The following GAPDHS variants were observed in gnomAD, a reference collection of about 807,000 sequenced individuals.
GAPDHS encodes glyceraldehyde-3-phosphate dehydrogenase, spermatogenic.
In GAPDHS, 42 loss-of-function variants were observed where a neutral mutation model predicts 48.7. The observed-to-expected ratio is 0.86, with a 90% CI of 0.67 to 1.12. The LOEUF is 1.12. GAPDHS is among the 50% of genes most tolerant of loss of function. The probability of loss-of-function intolerance (pLI) is 0.00; values close to 1 mark genes in which losing one functional copy is unlikely to be tolerated. For missense variants in GAPDHS, 512 were observed against 557.7 expected (o/e 0.92, Z 0.82); for synonymous variants, 166 against 219.1 (o/e 0.76, Z 2.14).
chr19:35,535,268 A>C (rs892645933), intron 1 of GAPDHS, among the ~76,000 whole-genome samples: 2 of 152,216 alleles, frequency 1.3e-5, no homozygotes, highest in South Asian at 4.1e-4. Flanking sequence ...GTCTGGGAGC[A>C]GGAGTGTGTG....
intron 1 of GAPDHS, among the ~76,000 whole-genome samples, chr19:35,535,037 G>A (rs560509872): frequency 5.3e-4 from 81 of 152,214 alleles, no homozygotes; most frequent in Middle Eastern, 3.4e-3. Context: ...ATCTCACTGC[G>A]CCCTCACAGC....
chr19:35,543,419 C>G lies in GAPDHS; in HGVS notation c.821C>G (p.Ala274Gly), dbSNP rs1376737847. The G allele has an allele frequency of 6.2e-7, 1 of 1,610,352 alleles. No individual in the cohort carries two copies. Among genetic ancestry groups the G allele is most frequent in the African/African-American group, 1.3e-5 (1 of 74,580 alleles). Residue 274 changes from alanine to glycine, a missense_variant, in exon 8 of 11, where the codon GCC (alanine) becomes GGC (glycine). Ala to Gly is a moderately conservative substitution (Grantham distance 60). Coordinates refer to ENST00000222286, the MANE Select transcript of GAPDHS (RefSeq NM_014364.5). ...SRKAWRDGRG[A>G]HQNIIPASTG... ...AAGGCCTGGCGAGATGGGCGGGGTGCCCACCAGAACATCATCCCAGCCTCC... is the reference window on the plus strand; with the variant it reads ...AAGGCCTGGCGAGATGGGCGGGGTGGCCACCAGAACATCATCCCAGCCTCC...
chr19:35,539,865 C>T (rs1184070667), intron 4 of GAPDHS, among the ~76,000 whole-genome samples: 5 of 152,200 alleles, frequency 3.3e-5, no homozygotes, highest in Admixed American at 1.3e-4. Flanking sequence ...CCACCATTAC[C>T]GCCACTTGGA....
At chr19:35,533,643 G>A (rs1280127878) in intron 1 of GAPDHS, 49 bp downstream of exon 1, 45 of 1,426,278 alleles carry the variant, frequency 3.2e-5, no homozygotes, top group Non-Finnish European at 4.3e-5. Context: ...AGGGTAGTGG[G>A]GAGCGTCTGC....
At chr19:35,542,157 C>A (rs906115371) in intron 4 of GAPDHS, 162 bp from the exon 5 acceptor site, 4 of 615,072 alleles carry the variant, frequency 6.5e-6, no homozygotes, top group Non-Finnish European at 8.8e-6. Context: ...GCTAGGCCAG[C>A]GGGGTGGAGC....
At chr19:35,544,124 T>G in intron 9 of GAPDHS, 6 of 321,782 alleles carry the variant, frequency 1.9e-5, no homozygotes, top group Admixed American at 4.6e-5. Flanking sequence ...GAAATTTCAT[T>G]TCATAGTCAC....
Position 35,533,541 on chromosome 19 carries a change from A to T in GAPDHS, c.14A>T (p.Asp5Val). The change falls in exon 1 of 11, where the codon GAC (aspartate) becomes GTC (valine). Residue 5 changes from aspartate (D) to valine (V), a missense_variant. Coordinates refer to ENST00000222286, the MANE Select transcript of GAPDHS (RefSeq NM_014364.5). MSKRDIVLTNVTVVQ... is the reference protein window; with the variant it reads MSKRVIVLTNVTVVQ... ...TTATAAGAGGCCATGTCGAAGCGCGACATCGTCCTCACCAATGTCACCGTT... is the reference window on the plus strand; with the variant it reads ...TTATAAGAGGCCATGTCGAAGCGCGTCATCGTCCTCACCAATGTCACCGTT... 6.2e-7 allele frequency: 1 copy of T among 1,613,768 alleles called. No individual in the cohort carries two copies. The highest frequency in any genetic ancestry group is 8.5e-7 in the Non-Finnish European group (1 of 1,179,924).
chr19:35,535,726 C>A (rs1362795541), intron 1 of GAPDHS, among the ~76,000 whole-genome samples: 1 of 150,944 alleles, frequency 6.6e-6, no homozygotes, highest in Non-Finnish European at 1.5e-5. Flanking sequence ...GGCCTCCATA[C>A]AGACCCACTG....
intron 6 of GAPDHS, 113 bp from the exon 7 acceptor site, chr19:35,542,832 C>A: frequency 1.2e-6 from 1 of 836,882 alleles, no homozygotes; most frequent in South Asian, 1.5e-5. Context: ...CTCTCACCCT[C>A]ATCCTGACGT....
intron 2 of GAPDHS, among the ~76,000 whole-genome samples, chr19:35,538,093 A>G (rs1181877235): frequency 6.6e-6 from 1 of 151,970 alleles, no homozygotes; most frequent in African/African-American, 2.4e-5. Flanking sequence ...ATATATATAT[A>G]TATGTATATA....
intron 4 of GAPDHS, 26 bp from the exon 5 acceptor site, chr19:35,542,293 G>C: frequency 6.7e-7 from 1 of 1,502,306 alleles, no homozygotes; most frequent in Non-Finnish European, 9.3e-7. Flanking sequence ...AGGGGAGACT[G>C]ACTCAGCCCT....
intron 1 of GAPDHS, among the ~76,000 whole-genome samples, chr19:35,536,165 C>T (rs1359603065): frequency 6.6e-6 from 1 of 152,180 alleles, no homozygotes; most frequent in African/African-American, 2.4e-5. Context: ...TGGTCATAAG[C>T]AATCCATGTA....
At chr19:35,534,696 A>G (rs2071453923) in intron 1 of GAPDHS, among the ~76,000 whole-genome samples, 1 of 152,086 alleles carries the variant, frequency 6.6e-6, no homozygotes. Flanking sequence ...CATAGCAGAA[A>G]CAACCCCCAA....
rs1281010450 is a variant in GAPDHS, at chr19:35,542,739, A to G, written c.659+131A>G. ...TCCCGAAACTATCTGCTAAAAACGC[A>G]TGACTTCCAGAGGACAAGCTTGGGG... On this transcript the variant is annotated intron_variant, in intron 6 of 10. Transcript: ENST00000222286. 5.2e-6 allele frequency: 4 copies of G among 772,952 alleles called. No individual in the cohort carries two copies. In the Admixed American group the frequency reaches 6.2e-5, roughly 12 times the overall value. The allele number at this position is 772,952 out of a possible 1,614,324, so 47.9% of individuals were successfully genotyped here. A position where few individuals can be genotyped will look rare whatever the true frequency, so the allele number is the denominator to read the frequency against.
In GAPDHS at chr19:35,538,684, G is replaced by T; in HGVS notation, c.449+1G>T. ...ACCATGAGATCTCTGTCTACCAGTG[G>T]TAAGGAAAGCATCTGTCTGATGCAC... On this transcript the variant is annotated splice_donor_variant, in intron 4 of 10. Coordinates refer to ENST00000222286, the MANE Select transcript of GAPDHS (RefSeq NM_014364.5). LOFTEE classifies it high-confidence loss of function. The T allele has an allele frequency of 6.5e-7, 1 of 1,536,236 alleles. No individual in the cohort carries two copies. Among genetic ancestry groups the T allele is most frequent in the Non-Finnish European group, 9.0e-7 (1 of 1,108,890 alleles).
chr19:35,538,035 C>T (rs2071476878), intron 2 of GAPDHS, among the ~76,000 whole-genome samples: 1 of 152,080 alleles, frequency 6.6e-6, no homozygotes, highest in African/African-American at 2.4e-5. Context: ...CAGATAGCGC[C>T]ACTGCACTCC....
intron 2 of GAPDHS, among the ~76,000 whole-genome samples, chr19:35,538,052 G>A (rs1054680193): frequency 6.6e-6 from 1 of 151,192 alleles, no homozygotes; most frequent in Non-Finnish European, 1.5e-5. Context: ...CTCCAGCCTG[G>A]GCGAAAGAGC....
intron 1 of GAPDHS, among the ~76,000 whole-genome samples, chr19:35,535,681 C>A (rs1266903335): frequency 2.6e-5 from 4 of 151,908 alleles, no homozygotes; most frequent in Non-Finnish European, 4.4e-5. Flanking sequence ...GCCACCGCTC[C>A]CGGCCTGGAG....
chr19:35,538,734 A>G, intron 4 of GAPDHS, 51 bp downstream of exon 4: 1 of 1,186,134 alleles, frequency 8.4e-7, no homozygotes, highest in Non-Finnish European at 1.3e-6. Flanking sequence ...GAGGCAGGGC[A>G]TGTGGAGGTG....
Sources: allele counts gnomAD v4.1 joint callset (sites outside exome capture counted in the v4.1 genomes callset), GRCh38; gene constraint gnomAD v4.1.1; transcripts MANE v1.5; gene names NCBI Gene and HGNC (gene_info 2026-07-23, HGNC 2026-07-21).